Variants in PRKD2 observed in about 807,000 individuals in gnomAD.
The protein encoded by PRKD2 is protein kinase D2.
A neutral mutation model predicts 86.0 loss-of-function variants in PRKD2; 22 were observed. The ratio of observed to expected loss-of-function variants is 0.26; its 90% CI spans 0.18 to 0.37. The LOEUF is 0.37. PRKD2 is among the 10% of genes least tolerant of loss of function. PRKD2 has a pLI of 1.00. For missense variants in PRKD2, 818 were observed against 1,199.2 expected, an observed-to-expected ratio of 0.68 and a Z score of 4.70; for synonymous variants, 509 against 510.9, an observed-to-expected ratio of 1.00 and a Z score of 0.05.
chr19:46,715,155 G>A (rs1337881478), intron 1 of PRKD2, among the ~76,000 whole-genome samples: 2 of 151,794 alleles, frequency 1.3e-5, no homozygotes, highest in African/African-American at 4.9e-5. Context: ...CTAAATAAGC[G>A]GTAATCTAAT....
Position 46,681,420 on chromosome 19 carries a change from A to ATT in PRKD2, c.2070+228_2070+229dup, listed in dbSNP as rs979568657. On this transcript the variant is annotated intron_variant, in intron 15 of 17. Coordinates refer to ENST00000291281, the MANE Select transcript of PRKD2 (RefSeq NM_016457.5). Reference sequence around the variant, plus strand: ...TAGGCGCACGCCACCATTCCCGGCTATTTTTTTTTTCATTTTTTGTATAGA... The same window carrying ATT: ...TAGGCGCACGCCACCATTCCCGGCTATTTTTTTTTTTTCATTTTTTGTATAGA... Among the ~76,000 whole-genome samples, 3 of 146,590 alleles carry ATT rather than the reference A, an allele frequency of 2.0e-5. No homozygotes were observed. In the East Asian group the frequency reaches 6.0e-4, roughly 29 times the overall value.
chr19:46,716,125 C>T lies in PRKD2; in HGVS notation c.240+6G>A, dbSNP rs1198905400. 2 of 1,608,662 alleles carry T rather than the reference C, an allele frequency of 1.2e-6. No individual in the cohort carries two copies. Among genetic ancestry groups the T allele is most frequent in the African/African-American group, 1.3e-5 (1 of 74,088 alleles). On this transcript the variant is annotated splice_donor_region_variant and intron_variant, in intron 1 of 17. Coordinates refer to ENST00000291281, the MANE Select transcript of PRKD2 (RefSeq NM_016457.5). The surrounding 1 kb of genome is among the most constrained non-coding windows in gnomAD (Gnocchi z 7.9). ...CGAGCTGGATCCAGGGAGCCTGCGC[C>T]CTCACCTTCTGGTCCACGATGGAAC...
At position 46,691,987 on chromosome 19, in the gene PRKD2, T is replaced by C; in HGVS notation, c.1577-2A>G. The C allele has an allele frequency of 6.2e-7, 1 of 1,613,660 alleles. No individual in the cohort carries two copies. Among genetic ancestry groups the C allele is most frequent in the Non-Finnish European group, 8.5e-7 (1 of 1,179,702 alleles). On this transcript the variant is annotated splice_acceptor_variant, in intron 10 of 17. Coordinates refer to ENST00000291281, the MANE Select transcript of PRKD2 (RefSeq NM_016457.5). LOFTEE classifies it high-confidence loss of function. Reference sequence around the variant, plus strand: ...CAGAGATGCTCAGAGAAGCTTGTCCTAGGGAGAGGGGAGAGACAGAGGTGA... The same window carrying C: ...CAGAGATGCTCAGAGAAGCTTGTCCCAGGGAGAGGGGAGAGACAGAGGTGA...
At chr19:46,714,415 T>C (rs2053853496) in intron 1 of PRKD2, 1 of 675,212 alleles carries the variant, frequency 1.5e-6, no homozygotes, top group African/African-American at 2.1e-5. Flanking sequence ...GTTACCTGGC[T>C]CCAGGCCCAG....
chr19:46,691,698 C>A (rs778683345), intron 12 of PRKD2, 37 bp downstream of exon 12: 1 of 1,604,624 alleles, frequency 6.2e-7, no homozygotes, highest in Non-Finnish European at 8.5e-7. Flanking sequence ...TCCCCCAGCC[C>A]GGGGCTCCCT....
Position 46,689,632 on chromosome 19 carries a change from C to A in PRKD2, c.1876G>T (p.Val626Leu). Reference sequence around the variant, plus strand: ...ATGTCCCCATGCAGCTTCTCCATCACCACAAACACTTTCTCAGGCGTCTCG... The same window carrying A: ...ATGTCCCCATGCAGCTTCTCCATCAACACAAACACTTTCTCAGGCGTCTCG... ...MFETPEKVFV[V>L]MEKLHGDMLE... Residue 626 changes from valine to leucine, a missense_variant, in exon 14 of 18, where the codon GTG becomes TTG. This residue lies in a region of PRKD2 where 154 missense variants were observed against 359.6 expected (regional missense o/e 0.43). Coordinates refer to ENST00000291281, the MANE Select transcript of PRKD2 (RefSeq NM_016457.5). 1 of 1,614,180 alleles carries A rather than the reference C, an allele frequency of 6.2e-7. No homozygotes were observed.
chr19:46,691,910 T>C, intron 11 of PRKD2, 23 bp downstream of exon 11: 1 of 1,612,664 alleles, frequency 6.2e-7, no homozygotes, highest in East Asian at 2.2e-5. Flanking sequence ...GGGGAGGGCA[T>C]CAGGTGGGGG....
intron 8 of PRKD2, 188 bp from the exon 9 acceptor site, chr19:46,697,422 A>C (rs2053576616): frequency 1.9e-6 from 1 of 516,786 alleles, no homozygotes; most frequent in Admixed American, 4.1e-5. Context: ...CCTTAACCCT[A>C]GCCCAGCCCC....
chr19:46,674,503 C>A lies in PRKD2; in HGVS notation c.*20G>T. The A allele has an allele frequency of 6.2e-7, 1 of 1,600,406 alleles. No homozygotes were observed. The highest frequency in any genetic ancestry group is 8.5e-7 in the Non-Finnish European group (1 of 1,171,830). ...GAAGAACCGCTGTGGAGGGCAGCAG[C>A]TGGACGAGGGCACAGGACCTCAGAG... On this transcript the variant is annotated 3_prime_UTR_variant, in exon 18 of 18. Coordinates refer to ENST00000291281, the MANE Select transcript of PRKD2 (RefSeq NM_016457.5).
chr19:46,704,760 C>T (rs185313998), intron 3 of PRKD2, 111 bp from the exon 4 acceptor site: 62 of 1,363,888 alleles, frequency 4.5e-5, no homozygotes, highest in Non-Finnish European at 5.7e-5. Flanking sequence ...TCCCATCACC[C>T]CCCGCCAGCA....
chr19:46,703,557 G>A (rs1173942087), intron 5 of PRKD2, among the ~76,000 whole-genome samples: 1 of 152,018 alleles, frequency 6.6e-6, no homozygotes, highest in Non-Finnish European at 1.5e-5. Flanking sequence ...GGATCACAAG[G>A]TCAGGAGATC....
intron 15 of PRKD2, among the ~76,000 whole-genome samples, chr19:46,680,700 T>C (rs558041078): frequency 5.3e-4 from 80 of 151,684 alleles, no homozygotes; most frequent in Non-Finnish European, 1.0e-3. Context: ...GAATGTTTCA[T>C]TGAGTTTTGT....
intron 5 of PRKD2, among the ~76,000 whole-genome samples, 179 bp downstream of exon 5, chr19:46,703,990 C>A (rs2053673477): frequency 6.7e-6 from 1 of 149,470 alleles, no homozygotes; most frequent in East Asian, 1.9e-4. Flanking sequence ...CACACACACA[C>A]ACAACTGAGG....
At chr19:46,712,267 G>GCCA (rs1322914598) in intron 2 of PRKD2, among the ~76,000 whole-genome samples, 2 of 150,618 alleles carry the variant, frequency 1.3e-5, no homozygotes, top group Non-Finnish European at 3.0e-5. Flanking sequence ...AGGGCCGGGA[G>GCCA]CGGTGGCTCA....
At chr19:46,686,430 G>A (rs1400413102) in intron 14 of PRKD2, among the ~76,000 whole-genome samples, 1 of 149,628 alleles carries the variant, frequency 6.7e-6, no homozygotes, top group Admixed American at 6.7e-5. Flanking sequence ...GAGCCCAGGA[G>A]TTCAAGACCA....
chr19:46,708,971 GGTT>G (rs1289997535), intron 3 of PRKD2, among the ~76,000 whole-genome samples: 73 of 80,322 alleles, frequency 9.1e-4, no homozygotes, highest in African/African-American at 3.1e-3. Context: ...GTTTGTTTGT[GGTT>G]TTTTTTTTTT....
intron 5 of PRKD2, among the ~76,000 whole-genome samples, chr19:46,702,688 T>A (rs893667010): frequency 2.7e-5 from 4 of 149,874 alleles, no homozygotes; most frequent in Non-Finnish European, 5.9e-5. Context: ...GTTCTAGAAT[T>A]TTTTTTTTTC....
chr19:46,694,156 A>G (rs375247836), intron 9 of PRKD2, 23 bp from the exon 10 acceptor site: 1 of 1,608,556 alleles, frequency 6.2e-7, no homozygotes, highest in Non-Finnish European at 8.5e-7. Context: ...GAACCAGCAC[A>G]GGTGAGGATG....
intron 3 of PRKD2, among the ~76,000 whole-genome samples, chr19:46,709,520 C>A (rs776961818): frequency 6.6e-6 from 1 of 152,090 alleles, no homozygotes. Context: ...TCCACCAACA[C>A]GCCGGCTTTT....
Sources: allele counts gnomAD v4.1 joint callset (sites outside exome capture counted in the v4.1 genomes callset), GRCh38; gene constraint gnomAD v4.1.1; regional missense constraint gnomAD v4.1.1; non-coding constraint Gnocchi (gnomAD v3.1); transcripts MANE v1.5; gene names NCBI Gene and HGNC (gene_info 2026-07-23, HGNC 2026-07-21).